ABCA13: variants seen among roughly 807,000 people sequenced by gnomAD.
The protein encoded by ABCA13 is ATP binding cassette subfamily A member 13.
In ABCA13, 476 loss-of-function variants were observed where a neutral mutation model predicts 478.7. That is an observed-to-expected ratio of 0.99 (90% confidence interval 0.92 to 1.07). ABCA13 has a LOEUF of 1.07. ABCA13 is among the 50% of genes least tolerant of loss of function. The pLI, the probability that ABCA13 is intolerant of heterozygous loss-of-function variation, is 0.00. For synonymous variants in ABCA13, 2,252 were observed against 2,158.9 expected (o/e 1.04, Z -1.20); for missense variants, 6,060 against 5,910.6 (o/e 1.03, Z -0.83).
chr7:48,282,931 G>A (rs1797245005), intron 19 of ABCA13, among the ~76,000 whole-genome samples: 1 of 152,220 alleles, frequency 6.6e-6, no homozygotes, highest in African/African-American at 2.4e-5. Flanking sequence ...ATTGACATTT[G>A]TTGAATGAAT....
intron 31 of ABCA13, among the ~76,000 whole-genome samples, chr7:48,363,192 C>T (rs79200436): frequency 0.038 from 5,737 of 152,192 alleles, 162 homozygotes; most frequent in East Asian, 0.15. Context: ...TTCCTACATA[C>T]GTAAAACTCT....
Position 48,273,541 on chromosome 7 carries a change from G to C in ABCA13, c.3875G>C (p.Ser1292Thr). 1 of 1,583,596 alleles carries C rather than the reference G, an allele frequency of 6.3e-7. No individual in the cohort carries two copies. The highest frequency in any genetic ancestry group is 8.6e-7 in the Non-Finnish European group (1 of 1,162,810). ...NSLLEVFIEF[S>T]STSEYIVRNL... is the part of the protein sequence containing the mutation. ...CTGCTTGAAGTTTTCATTGAGTTTA[G>C]CAGTACCTCAGAATATATAGTCAGA... is the stretch of plus-strand genomic sequence containing the variant. Residue 1292 changes from serine (S) to threonine (T), a missense_variant, in exon 17 of 62, where the codon AGC becomes ACC. Physicochemically the swap from Ser to Thr is moderately conservative, Grantham distance 58. Coordinates refer to ENST00000435803, the MANE Select transcript of ABCA13 (RefSeq NM_152701.5).
At chr7:48,633,442 CTACTT>C (rs762641617) in intron 59 of ABCA13, among the ~76,000 whole-genome samples, 3 of 152,086 alleles carry the variant, frequency 2.0e-5, no homozygotes, top group African/African-American at 4.8e-5. Flanking sequence ...CATCCACAGA[CTACTT>C]TACCCATCAA....
Position 48,278,647 on chromosome 7 carries a change from G to C in ABCA13, c.7453G>C (p.Ala2485Pro). 1 of 1,613,582 alleles carries C rather than the reference G, an allele frequency of 6.2e-7. No homozygotes were observed. Among genetic ancestry groups the C allele is most frequent in the Non-Finnish European group, 8.5e-7 (1 of 1,179,510 alleles). Reference sequence around the variant, plus strand: ...GAGATTAGTTGGTGCTATTTCAAGAGCAAGTGAAGAAAGTCACGTCCTGAA... The same window carrying C: ...GAGATTAGTTGGTGCTATTTCAAGACCAAGTGAAGAAAGTCACGTCCTGAA... ...TKRLVGAISRASEESHVLKPL... is the reference protein window; with the variant it reads ...TKRLVGAISRPSEESHVLKPL... Residue 2485 changes from alanine to proline, a missense_variant, in exon 18 of 62, where the codon GCA becomes CCA. Ala to Pro is a conservative substitution (Grantham distance 27). Transcript: ENST00000435803.
intron 33 of ABCA13, among the ~76,000 whole-genome samples, chr7:48,372,975 A>G (rs17132270): frequency 0.026 from 4,024 of 152,294 alleles, 183 homozygotes; most frequent in African/African-American, 0.091. Context: ...GGTCTGTAAC[A>G]TCAAATACGT....
intron 27 of ABCA13, among the ~76,000 whole-genome samples, chr7:48,332,026 C>G (rs540064834): frequency 6.6e-6 from 1 of 152,276 alleles, no homozygotes; most frequent in South Asian, 2.1e-4. Flanking sequence ...ACTTTTTAAA[C>G]TTAGCATAAT....
chr7:48,399,527 A>G (rs1175718806), intron 38 of ABCA13, among the ~76,000 whole-genome samples: 2 of 152,204 alleles, frequency 1.3e-5, no homozygotes, highest in African/African-American at 2.4e-5. Context: ...AAGAGGATGC[A>G]TGGAATTGAG....
At chr7:48,583,927 C>T (rs1303056083) in intron 56 of ABCA13, among the ~76,000 whole-genome samples, 6 of 152,212 alleles carry the variant, frequency 3.9e-5, no homozygotes, top group African/African-American at 1.4e-4. Flanking sequence ...ACTCTGGAAT[C>T]TTTCCTATGG....
chr7:48,557,029 A>T (rs1458290331), intron 55 of ABCA13, among the ~76,000 whole-genome samples: 2 of 152,102 alleles, frequency 1.3e-5, no homozygotes, highest in Non-Finnish European at 2.9e-5. Flanking sequence ...TAAATTGATG[A>T]CAACTTAACA....
At chr7:48,185,075 T>G (rs1315434015) in intron 1 of ABCA13, among the ~76,000 whole-genome samples, 2 of 152,104 alleles carry the variant, frequency 1.3e-5, no homozygotes, top group African/African-American at 4.8e-5. Context: ...TTTCTCATAT[T>G]TAGAGTTTTT....
intron 48 of ABCA13, among the ~76,000 whole-genome samples, chr7:48,496,966 TG>T (rs975555803): frequency 2.6e-5 from 4 of 151,852 alleles, no homozygotes; most frequent in Non-Finnish European, 5.9e-5. Context: ...TTTAGGTTTA[TG>T]GTTTTTTTTT....
intron 27 of ABCA13, among the ~76,000 whole-genome samples, chr7:48,326,749 C>T (rs1282684354): frequency 2.0e-5 from 3 of 152,180 alleles, no homozygotes; most frequent in Non-Finnish European, 4.4e-5. Context: ...TAGAAATTCA[C>T]ATGTGAGTAT....
chr7:48,198,666 G>A (rs780421389), intron 3 of ABCA13, among the ~76,000 whole-genome samples: 35 of 152,272 alleles, frequency 2.3e-4, no homozygotes, highest in Non-Finnish European at 5.0e-4. Context: ...TACTTGTCTA[G>A]CCAACTTTTC....
chr7:48,476,946 T>C (rs1416003204), intron 45 of ABCA13, among the ~76,000 whole-genome samples: 2 of 152,130 alleles, frequency 1.3e-5, no homozygotes, highest in Non-Finnish European at 2.9e-5. Context: ...GGATAAAACA[T>C]TTTAAAATGT....
At position 48,406,289 on chromosome 7, in the gene ABCA13, C is replaced by T. The variant is rs185581810; in HGVS notation, c.12070+2410C>T. 6.2e-4 allele frequency among the ~76,000 whole-genome samples: 94 copies of T among 152,292 alleles called. 1 individual carries two copies. The highest frequency in any genetic ancestry group is 2.2e-3 in the African/African-American group (91 of 41,554). ...ATTTCTGTTCTGGGGTATGCACTTGCTCTACAAATCCCATGTGACCCTGCA... is the reference window on the plus strand; with the variant it reads ...ATTTCTGTTCTGGGGTATGCACTTGTTCTACAAATCCCATGTGACCCTGCA... On this transcript the variant is annotated intron_variant, in intron 39 of 61. Coordinates refer to ENST00000435803, the MANE Select transcript of ABCA13 (RefSeq NM_152701.5).
chr7:48,512,593 A>T (rs559924175), intron 51 of ABCA13, among the ~76,000 whole-genome samples: 13 of 152,192 alleles, frequency 8.5e-5, no homozygotes, highest in Non-Finnish European at 1.9e-4. Context: ...AGTAAAATAG[A>T]CTTTGCTATA....
In ABCA13 at chr7:48,273,889, C is replaced by G; in HGVS notation, c.4223C>G (p.Ser1408Cys). Residue 1408 changes from serine to cysteine, a missense_variant, in exon 17 of 62, where the codon TCT becomes TGT. This residue lies in a region of ABCA13 where 4,423 missense variants were observed against 4,309.1 expected (regional missense o/e 1.03). Transcript: ENST00000435803. Reference protein sequence around the residue: ...LDVINHLYLLSNSSFSQGHLQ... With the variant: ...LDVINHLYLLCNSSFSQGHLQ... ...GTCATAAACCATTTGTATTTGTTGT[C>G]TAACTCCAGTTTTTCACAAGGTCAT... 1.2e-6 allele frequency: 2 copies of G among 1,612,790 alleles called. No homozygotes were observed. The highest frequency in any genetic ancestry group is 1.7e-6 in the Non-Finnish European group (2 of 1,179,260).
chr7:48,219,531 C>T, intron 4 of ABCA13, 26 bp downstream of exon 4: 2 of 1,593,374 alleles, frequency 1.3e-6, no homozygotes, highest in South Asian at 1.2e-5. Context: ...ATAACTGTGA[C>T]ACTACCTACC....
intron 15 of ABCA13, among the ~76,000 whole-genome samples, chr7:48,262,546 C>T (rs752194715): frequency 5.3e-5 from 8 of 151,820 alleles, no homozygotes; most frequent in Non-Finnish European, 7.4e-5. Context: ...TGCTTTCTTC[C>T]TTCTAACTCT....
Sources: gnomAD v4.1 joint callset for allele counts (sites outside exome capture counted in the v4.1 genomes callset) on GRCh38, gnomAD v4.1.1 for gene constraint, gnomAD v4.1.1 regional missense constraint, MANE v1.5 for transcripts, NCBI Gene and HGNC (gene_info 2026-07-23, HGNC 2026-07-21) for gene names.